Variants in GLIS3 observed in about 807,000 individuals in gnomAD.
The protein encoded by GLIS3 is zinc finger protein GLIS3.
In GLIS3, 53 loss-of-function variants were observed where a neutral mutation model predicts 78.6. That is an observed-to-expected ratio of 0.67 (90% confidence interval 0.54 to 0.85). The LOEUF (loss-of-function observed/expected upper bound fraction) is 0.85. Among genes scored for constraint, GLIS3 ranks in the 40% least tolerant of loss-of-function variants. GLIS3 has a pLI of 0.00. For missense variants in GLIS3, 1,703 were observed against 1,231.1 expected (o/e 1.38, Z -5.74); for synonymous variants, 684 against 509.9 (o/e 1.34, Z -4.60).
At chr9:4,320,241 C>T (rs1265668065) in intron 2 of GLIS3, among the ~76,000 whole-genome samples, 1 of 152,154 alleles carries the variant, frequency 6.6e-6, no homozygotes, top group African/African-American at 2.4e-5. Flanking sequence ...CTGCATGCTT[C>T]ATTCACTCCA....
chr9:4,349,484 T>A (rs184316497), upstream of GLIS3, among the ~76,000 whole-genome samples: 12 of 152,114 alleles, frequency 7.9e-5, no homozygotes, highest in Non-Finnish European at 1.5e-4. Context: ...TTTATATTGA[T>A]GAGTAGAAAA....
intron 2 of GLIS3, among the ~76,000 whole-genome samples, chr9:4,161,841 T>C (rs1445338228): frequency 3.9e-5 from 2 of 51,414 alleles, no homozygotes; most frequent in Non-Finnish European, 7.5e-5. Flanking sequence ...CACACCCAGC[T>C]AATTTTTGTT....
chr9:4,047,834 G>A (rs1825379659), intron 4 of GLIS3, among the ~76,000 whole-genome samples: 1 of 152,168 alleles, frequency 6.6e-6, no homozygotes, highest in South Asian at 2.1e-4. Context: ...CTCTCTGTCT[G>A]CTTTTTCGGT....
At chr9:4,468,179 G>T in the GLIS3 span, among the ~76,000 whole-genome samples, 6 of 152,154 alleles carry the variant, frequency 3.9e-5, no homozygotes, top group Non-Finnish European at 8.8e-5. Flanking sequence ...TGAAAGTGAC[G>T]GGCAGAGTGG....
chr9:4,439,721 G>A, the GLIS3 span, among the ~76,000 whole-genome samples: 119 of 152,268 alleles, frequency 7.8e-4, no homozygotes, highest in African/African-American at 2.7e-3. Flanking sequence ...TGTCCAGGCT[G>A]GAGAGCAGTG....
chr9:4,375,649 TG>T, the GLIS3 span, among the ~76,000 whole-genome samples: 1 of 152,230 alleles, frequency 6.6e-6, no homozygotes, highest in Non-Finnish European at 1.5e-5. Flanking sequence ...CCTTATGGAA[TG>T]TTTGCTTCTA....
intron 9 of GLIS3, among the ~76,000 whole-genome samples, chr9:3,843,394 A>G (rs542748376): frequency 1.3e-5 from 2 of 152,166 alleles, no homozygotes; most frequent in Non-Finnish European, 2.9e-5. Context: ...TCTCTGGAAC[A>G]TTATGTTAAG....
At chr9:4,468,443 G>A in the GLIS3 span, among the ~76,000 whole-genome samples, 1 of 152,214 alleles carries the variant, frequency 6.6e-6, no homozygotes, top group East Asian at 1.9e-4. Flanking sequence ...TCTCTTGGCA[G>A]AAACTCTACA....
At chr9:4,316,959 A>G (rs1011753086) in intron 2 of GLIS3, among the ~76,000 whole-genome samples, 2 of 109,272 alleles carry the variant, frequency 1.8e-5, no homozygotes, top group Non-Finnish European at 3.4e-5. Context: ...TGGTTTTTTA[A>G]TATGTTTTGC....
At chr9:4,026,118 A>G (rs1413202430) in intron 4 of GLIS3, among the ~76,000 whole-genome samples, 1 of 152,270 alleles carries the variant, frequency 6.6e-6, no homozygotes, top group Non-Finnish European at 1.5e-5. Flanking sequence ...TGATTAGTCT[A>G]CAAAGGCTTT....
intron 4 of GLIS3, among the ~76,000 whole-genome samples, chr9:3,981,324 T>C: frequency 6.6e-6 from 1 of 152,220 alleles, no homozygotes; most frequent in Non-Finnish European, 1.5e-5. Flanking sequence ...CCCAATTTTA[T>C]ACAAAAGCTA....
chr9:4,468,578 C>G, the GLIS3 span, among the ~76,000 whole-genome samples: 1 of 152,166 alleles, frequency 6.6e-6, no homozygotes, highest in Middle Eastern at 3.2e-3. Flanking sequence ...TACAGAAAAG[C>G]AAATGCTGAG....
At chr9:4,152,042 A>C (rs1362094273) in intron 2 of GLIS3, 1 of 613,670 alleles carries the variant, frequency 1.6e-6, no homozygotes, top group Admixed American at 6.3e-5. Flanking sequence ...CCAGAACCTC[A>C]AACCCTCCCA....
intron 9 of GLIS3, among the ~76,000 whole-genome samples, chr9:3,839,481 G>A (rs976423670): frequency 3.3e-5 from 5 of 151,718 alleles, no homozygotes; most frequent in African/African-American, 1.2e-4. Flanking sequence ...GGAACTAATA[G>A]TTATTTACTC....
chr9:3,898,711 G>T lies in GLIS3; in HGVS notation c.2108C>A (p.Pro703His), dbSNP rs764353179. The T allele has an allele frequency of 1.2e-6, 2 of 1,613,994 alleles. No individual in the cohort carries two copies. Among genetic ancestry groups the T allele is most frequent in the African/African-American group, 1.3e-5 (1 of 74,902 alleles). Residue 703 changes from proline to histidine, a missense_variant, in exon 7 of 11, where the codon CCC (proline) becomes CAC (histidine). Physicochemically the swap from Pro to His is moderately conservative, Grantham distance 77. Coordinates refer to ENST00000381971, the MANE Select transcript of GLIS3 (RefSeq NM_001042413.2). Reference sequence around the variant, plus strand: ...TTTACCTGAATAGAGGTCAGGCCCGGGTCCAGGGGAGCGTCCCACGGTCCC... The same window carrying T: ...TTTACCTGAATAGAGGTCAGGCCCGTGTCCAGGGGAGCGTCCCACGGTCCC... ...AEGTVGRSPG[P>H]GPDLYSAPIF...
the GLIS3 span, among the ~76,000 whole-genome samples, chr9:4,428,168 C>T: frequency 6.6e-6 from 1 of 151,648 alleles, no homozygotes; most frequent in African/African-American, 2.4e-5. Context: ...ATTTCTCATG[C>T]CTACCAAAAA....
At chr9:3,919,125 T>A (rs534117864) in intron 6 of GLIS3, among the ~76,000 whole-genome samples, 1 of 152,100 alleles carries the variant, frequency 6.6e-6, no homozygotes, top group East Asian at 1.9e-4. Context: ...CTTACACAAT[T>A]TTCAATTAGG....
chr9:4,027,892 C>T (rs910734970), intron 4 of GLIS3, among the ~76,000 whole-genome samples: 2 of 152,156 alleles, frequency 1.3e-5, no homozygotes, highest in African/African-American at 4.8e-5. Context: ...GCTCTTAAAC[C>T]CCCTCAGCTT....
intron 1 of GLIS3, among the ~76,000 whole-genome samples, chr9:4,298,808 G>C (rs1422086039): frequency 6.6e-6 from 1 of 152,142 alleles, no homozygotes; most frequent in Non-Finnish European, 1.5e-5. Flanking sequence ...CGGTACCCGC[G>C]AGGAGTGTAG....
Sources: gnomAD v4.1 joint callset for allele counts (sites outside exome capture counted in the v4.1 genomes callset) on GRCh38, gnomAD v4.1.1 for gene constraint, MANE v1.5 for transcripts, NCBI Gene and HGNC (gene_info 2026-07-23, HGNC 2026-07-21) for gene names.